The following PLCB1 variants were observed in gnomAD, a reference collection of about 807,000 sequenced individuals.
The protein encoded by PLCB1 is phospholipase C beta 1, also known as 1-phosphatidylinositol 4,5-bisphosphate phosphodiesterase beta-1.
Under a neutral mutation model 161.8 loss-of-function variants are expected in PLCB1, and 46 were observed. The observed-to-expected ratio is 0.28, with a 90% CI of 0.22 to 0.36. The LOEUF (loss-of-function observed/expected upper bound fraction) is 0.36, where lower values mean the gene tolerates loss of function less well. Ranked by LOEUF, PLCB1 falls within the 10% of genes least tolerant of loss-of-function variation. The probability of loss-of-function intolerance (pLI) is 1.00; values close to 1 mark genes in which losing one functional copy is unlikely to be tolerated. For missense variants in PLCB1, 1,016 were observed against 1,472.5 expected (o/e 0.69, Z 5.07); for synonymous variants, 517 against 503.7 (o/e 1.03, Z -0.35).
intron 2 of PLCB1, among the ~76,000 whole-genome samples, chr20:8,278,738 G>A (rs1166345674): frequency 6.6e-6 from 1 of 152,044 alleles, no homozygotes; most frequent in Non-Finnish European, 1.5e-5. Context: ...GAAGATTGGT[G>A]TAAACACTTG....
intron 9 of PLCB1, among the ~76,000 whole-genome samples, chr20:8,669,691 C>G (rs1237062603): frequency 2.0e-5 from 3 of 152,172 alleles, no homozygotes; most frequent in Non-Finnish European, 4.4e-5. Flanking sequence ...CTGAAGGCAT[C>G]TGAAGAGGAA....
chr20:8,355,815 T>C (rs750376376), intron 2 of PLCB1, among the ~76,000 whole-genome samples: 2 of 152,188 alleles, frequency 1.3e-5, no homozygotes, highest in Non-Finnish European at 2.9e-5. Context: ...CCCTCAGCTT[T>C]TTTGCACCTT....
chr20:8,761,507 CA>C (rs1982027203), intron 25 of PLCB1, among the ~76,000 whole-genome samples: 1 of 152,056 alleles, frequency 6.6e-6, no homozygotes, highest in Non-Finnish European at 1.5e-5. Flanking sequence ...TAAAAGAAAA[CA>C]AAACATGGTT....
intron 31 of PLCB1, among the ~76,000 whole-genome samples, chr20:8,790,896 T>A (rs1256598037): frequency 6.6e-6 from 1 of 152,184 alleles, no homozygotes; most frequent in African/African-American, 2.4e-5. Context: ...TTTAGAACAT[T>A]CCTTCCATTT....
At chr20:8,238,128 T>C (rs373807772) in intron 2 of PLCB1, among the ~76,000 whole-genome samples, 11 of 152,000 alleles carry the variant, frequency 7.2e-5, no homozygotes, top group South Asian at 4.1e-4. Flanking sequence ...ATTGAACGAG[T>C]AATGATTTGT....
chr20:8,754,856 A>G (rs1797738456), intron 23 of PLCB1, among the ~76,000 whole-genome samples: 1 of 152,122 alleles, frequency 6.6e-6, no homozygotes, highest in African/African-American at 2.4e-5. Context: ...GCATCCATGT[A>G]CTCCATTGGG....
intron 2 of PLCB1, among the ~76,000 whole-genome samples, chr20:8,231,653 G>T (rs6086374): frequency 1.3e-5 from 2 of 151,914 alleles, no homozygotes; most frequent in African/African-American, 4.8e-5. Flanking sequence ...TTCTTTGCAC[G>T]CATTCCCAAG....
intron 3 of PLCB1, among the ~76,000 whole-genome samples, chr20:8,474,555 G>A (rs1026051535): frequency 3.3e-5 from 5 of 152,128 alleles, no homozygotes; most frequent in African/African-American, 1.2e-4. Context: ...GAGGCAGAAG[G>A]AGCAGAACAT....
chr20:8,744,157 C>T (rs1981026655), intron 23 of PLCB1, among the ~76,000 whole-genome samples: 1 of 151,664 alleles, frequency 6.6e-6, no homozygotes, highest in Non-Finnish European at 1.5e-5. Flanking sequence ...ACCCCTGAAC[C>T]TAAAATAAAA....
At chr20:8,797,092 T>G (rs1984064029) in intron 31 of PLCB1, among the ~76,000 whole-genome samples, 1 of 152,198 alleles carries the variant, frequency 6.6e-6, no homozygotes, top group Admixed American at 6.5e-5. Context: ...TTTCACTGGA[T>G]ATAAAATTTT....
chr20:8,230,491 T>C (rs13039942), intron 2 of PLCB1, among the ~76,000 whole-genome samples: 1 of 152,178 alleles, frequency 6.6e-6, no homozygotes, highest in Non-Finnish European at 1.5e-5. Flanking sequence ...CATCCTACTG[T>C]GCTGTCCAAC....
chr20:8,347,153 A>T (rs573617321), intron 2 of PLCB1, among the ~76,000 whole-genome samples: 1 of 152,228 alleles, frequency 6.6e-6, no homozygotes, highest in African/African-American at 2.4e-5. Flanking sequence ...AAAAGAATTA[A>T]GAATATGCTG....
chr20:8,511,966 G>T (rs917200445), intron 3 of PLCB1, among the ~76,000 whole-genome samples: 1 of 151,692 alleles, frequency 6.6e-6, no homozygotes, highest in East Asian at 1.9e-4. Context: ...ATTTTCTCTC[G>T]CTCTGGGTTG....
intron 3 of PLCB1, among the ~76,000 whole-genome samples, chr20:8,616,315 T>A (rs568016812): frequency 6.6e-6 from 1 of 152,132 alleles, no homozygotes; most frequent in Admixed American, 6.6e-5. Flanking sequence ...TTGCTGCTCT[T>A]CCTCCTACCA....
intron 2 of PLCB1, among the ~76,000 whole-genome samples, chr20:8,364,909 G>C (rs533162998): frequency 3.2e-4 from 49 of 152,276 alleles, no homozygotes; most frequent in Middle Eastern, 3.4e-3. Flanking sequence ...TTTTTATGAA[G>C]TAGCTATAGA....
At chr20:8,543,314 G>A (rs1985406245) in intron 3 of PLCB1, among the ~76,000 whole-genome samples, 1 of 152,140 alleles carries the variant, frequency 6.6e-6, no homozygotes, top group African/African-American at 2.4e-5. Flanking sequence ...GAAGGACGTG[G>A]GCTTTTGCTC....
intron 2 of PLCB1, among the ~76,000 whole-genome samples, chr20:8,329,473 C>A (rs1364112907): frequency 6.6e-6 from 1 of 152,006 alleles, no homozygotes; most frequent in African/African-American, 2.4e-5. Context: ...TTTTATCCAC[C>A]ACATCTACAG....
chr20:8,223,491 T>C (rs984772213), intron 2 of PLCB1, among the ~76,000 whole-genome samples: 1 of 152,114 alleles, frequency 6.6e-6, no homozygotes, highest in African/African-American at 2.4e-5. Context: ...AATAGAAAAA[T>C]GACTGCTTAC....
At chr20:8,846,964 G>A (rs972594860) in intron 31 of PLCB1, among the ~76,000 whole-genome samples, 1 of 152,144 alleles carries the variant, frequency 6.6e-6, no homozygotes, top group Non-Finnish European at 1.5e-5. Context: ...AACCTTCTGA[G>A]ACAAGGACTC....
Sources: gnomAD v4.1 joint callset for allele counts (sites outside exome capture counted in the v4.1 genomes callset) on GRCh38, gnomAD v4.1.1 for gene constraint, MANE v1.5 for transcripts, NCBI Gene and HGNC (gene_info 2026-07-23, HGNC 2026-07-21) for gene names.